ZNF420: variants seen among roughly 807,000 people sequenced by gnomAD.
The protein encoded by ZNF420 is zinc finger protein 420.
A neutral mutation model predicts 44.7 loss-of-function variants in ZNF420; 31 were observed. That is an observed-to-expected ratio of 0.69 (90% CI 0.52 to 0.94). The LOEUF (loss-of-function observed/expected upper bound fraction) is 0.94. Ranked by LOEUF, ZNF420 falls within the 40% of genes least tolerant of loss-of-function variation. The pLI is 0.00. For missense variants in ZNF420, 681 were observed against 827.9 expected (o/e 0.82, Z 2.18); for synonymous variants, 245 against 267.4 (o/e 0.92, Z 0.82).
intron 1 of ZNF420, among the ~76,000 whole-genome samples, chr19:37,012,141 C>A (rs1599590970): frequency 6.6e-6 from 1 of 152,264 alleles, no homozygotes. Flanking sequence ...CGGTAGAAGT[C>A]GGCACAAGGA....
intron 1 of ZNF420, among the ~76,000 whole-genome samples, chr19:37,051,121 G>A (rs577008145): frequency 2.0e-5 from 3 of 152,188 alleles, no homozygotes; most frequent in African/African-American, 7.2e-5. Flanking sequence ...GATTTGGTTT[G>A]CCAGTATTTC....
At chr19:37,099,668 G>A (rs1365161725) in intron 4 of ZNF420, among the ~76,000 whole-genome samples, 1 of 152,126 alleles carries the variant, frequency 6.6e-6, no homozygotes, top group Non-Finnish European at 1.5e-5. Flanking sequence ...CTGTCACCCA[G>A]GCTGGAGTGC....
intron 1 of ZNF420, among the ~76,000 whole-genome samples, chr19:37,041,095 G>A (rs1408296344): frequency 6.6e-6 from 1 of 151,916 alleles, no homozygotes; most frequent in Non-Finnish European, 1.5e-5. Context: ...AGGCCGAGGT[G>A]GGAGGGTCAC....
intron 4 of ZNF420, among the ~76,000 whole-genome samples, chr19:37,120,946 TAC>T (rs1970994282): frequency 6.6e-6 from 1 of 152,044 alleles, no homozygotes; most frequent in Non-Finnish European, 1.5e-5. Flanking sequence ...CAAGGAGAAC[TAC>T]AAACCACTGC....
chr19:37,008,259 G>C (rs959374325), intron 1 of ZNF420, among the ~76,000 whole-genome samples: 1 of 151,846 alleles, frequency 6.6e-6, no homozygotes, highest in African/African-American at 2.4e-5. Context: ...TGTGTGTGTA[G>C]TGTGTGTGTG....
intron 2 of ZNF420, 149 bp from the exon 3 acceptor site, chr19:37,088,890 T>C (rs1968976173): frequency 3.9e-6 from 2 of 511,680 alleles, no homozygotes; most frequent in Non-Finnish European, 7.1e-6. Flanking sequence ...TTTGATCAAG[T>C]TAAGAACCAC....
At chr19:37,040,671 A>T (rs1205985110) in intron 1 of ZNF420, among the ~76,000 whole-genome samples, 1 of 152,198 alleles carries the variant, frequency 6.6e-6, no homozygotes. Context: ...AGAGGTTATC[A>T]TAAGATCAAA....
intron 1 of ZNF420, among the ~76,000 whole-genome samples, chr19:37,014,581 C>G (rs187889226): frequency 2.6e-5 from 4 of 152,232 alleles, no homozygotes; most frequent in East Asian, 1.9e-4. Context: ...GCCTCCTCCC[C>G]CAAGCCGCCG....
At chr19:37,123,206 ATTG>A (rs1253033797) in intron 4 of ZNF420, among the ~76,000 whole-genome samples, 1 of 152,148 alleles carries the variant, frequency 6.6e-6, no homozygotes, top group Non-Finnish European at 1.5e-5. Flanking sequence ...CAGGTGGATT[ATTG>A]TTGTAGCCGC....
At chr19:37,076,889 A>G (rs1968170692), upstream of ZNF420, among the ~76,000 whole-genome samples, 1 of 152,214 alleles carries the variant, frequency 6.6e-6, no homozygotes, top group South Asian at 2.1e-4. Context: ...ACTCTAACTC[A>G]GTGCAATTTA....
At chr19:37,088,307 G>A (rs1968945678) in intron 2 of ZNF420, among the ~76,000 whole-genome samples, 1 of 152,146 alleles carries the variant, frequency 6.6e-6, no homozygotes, top group Admixed American at 6.5e-5. Context: ...AATGCATTTT[G>A]TGCATGACTT....
At chr19:37,068,845 CTA>C (rs1314500789) in intron 1 of ZNF420, among the ~76,000 whole-genome samples, 1 of 151,986 alleles carries the variant, frequency 6.6e-6, no homozygotes, top group Non-Finnish European at 1.5e-5. Flanking sequence ...ATAAAACAGA[CTA>C]GAGCATTATT....
chr19:37,122,848 T>A (rs970585691), intron 4 of ZNF420, among the ~76,000 whole-genome samples: 1 of 152,138 alleles, frequency 6.6e-6, no homozygotes, highest in Non-Finnish European at 1.5e-5. Context: ...TAAATGTTAT[T>A]TCGTGATGAC....
At chr19:37,030,296 T>G (rs922068504) in intron 1 of ZNF420, among the ~76,000 whole-genome samples, 3 of 151,984 alleles carry the variant, frequency 2.0e-5, no homozygotes, top group Non-Finnish European at 4.4e-5. Flanking sequence ...CGAGTAGCTG[T>G]GATTACAGGC....
intron 4 of ZNF420, among the ~76,000 whole-genome samples, chr19:37,122,680 TC>T (rs1272080398): frequency 6.6e-6 from 1 of 152,176 alleles, no homozygotes; most frequent in Non-Finnish European, 1.5e-5. Flanking sequence ...TTTTTCTCCT[TC>T]CTCAATGGCT....
intron 4 of ZNF420, among the ~76,000 whole-genome samples, chr19:37,105,443 G>A (rs1447592611): frequency 1.3e-5 from 2 of 152,034 alleles, no homozygotes; most frequent in East Asian, 1.9e-4. Flanking sequence ...GATGCCTCCA[G>A]CTTTGTTCTT....
intron 1 of ZNF420, among the ~76,000 whole-genome samples, chr19:37,047,159 A>C (rs1729940379): frequency 6.6e-6 from 1 of 152,246 alleles, no homozygotes; most frequent in Non-Finnish European, 1.5e-5. Context: ...AAAGCAAAAC[A>C]ACAAAATAAT....
At chr19:37,101,211 A>T (rs1299483863) in intron 4 of ZNF420, among the ~76,000 whole-genome samples, 1 of 152,130 alleles carries the variant, frequency 6.6e-6, no homozygotes, top group African/African-American at 2.4e-5. Flanking sequence ...AAGAGTTTGC[A>T]GGCCGGAACC....
chr19:37,057,689 G>C (rs1265659625), intron 1 of ZNF420, among the ~76,000 whole-genome samples: 3 of 151,980 alleles, frequency 2.0e-5, no homozygotes, highest in Admixed American at 2.0e-4. Context: ...TGAAGGCCTC[G>C]ACCACATGAG....
Sources: gnomAD v4.1 joint callset for allele counts (sites outside exome capture counted in the v4.1 genomes callset) on GRCh38, gnomAD v4.1.1 for gene constraint, MANE v1.5 for transcripts, NCBI Gene and HGNC (gene_info 2026-07-23, HGNC 2026-07-21) for gene names.